Variants in SLC6A5 observed in about 807,000 individuals in gnomAD.
The protein encoded by SLC6A5 is sodium- and chloride-dependent glycine transporter 2.
A neutral mutation model predicts 90.5 loss-of-function variants in SLC6A5; 58 were observed. The observed-to-expected ratio is 0.64, with a 90% CI of 0.52 to 0.80. The LOEUF is 0.80. SLC6A5 is among the 30% of genes least tolerant of loss of function. The pLI, the probability that SLC6A5 is intolerant of heterozygous loss-of-function variation, is 0.00. For synonymous variants in SLC6A5, 427 were observed against 401.4 expected (o/e 1.06, Z -0.76); for missense variants, 1,015 against 1,017.6 (o/e 1.00, Z 0.03).
chr11:20,619,232 A>C (rs1215940838), intron 7 of SLC6A5, among the ~76,000 whole-genome samples: 1 of 152,184 alleles, frequency 6.6e-6, no homozygotes, highest in Non-Finnish European at 1.5e-5. Flanking sequence ...TCGGGAGGGT[A>C]GTCAGTGCCA....
At chr11:20,611,670 C>T (rs890130195) in intron 5 of SLC6A5, among the ~76,000 whole-genome samples, 6 of 151,972 alleles carry the variant, frequency 3.9e-5, no homozygotes, top group East Asian at 1.9e-4. Context: ...TCTGCTGCAA[C>T]GCAGGAAACT....
At chr11:20,647,639 C>T (rs1427375915) in intron 14 of SLC6A5, among the ~76,000 whole-genome samples, 1 of 152,002 alleles carries the variant, frequency 6.6e-6, no homozygotes, top group Non-Finnish European at 1.5e-5. Context: ...TATGTATAGC[C>T]TCATCTCTCC....
intron 13 of SLC6A5, 99 bp from the exon 14 acceptor site, chr11:20,646,735 C>T: frequency 1.2e-6 from 1 of 812,952 alleles, no homozygotes; most frequent in Non-Finnish European, 2.2e-6. Context: ...CCAGCCCTAG[C>T]CAATGGTGCT....
rs1853165308 is a variant in SLC6A5 at position 20,634,444 on chromosome 11, T to C, written c.1625-1863T>C. Among the ~76,000 whole-genome samples, 4 of 152,318 alleles carry C rather than the reference T, an allele frequency of 2.6e-5. No homozygotes were observed. In the South Asian group the frequency reaches 8.3e-4, roughly 32 times the overall value. The stretch of plus-strand genomic sequence containing the variant: ...GCAGACTGAATATTTTGAAATCACT[T>C]GTTTCCTCTAAAAAAGCTGTAAAGC... On this transcript the variant is annotated intron_variant, in intron 10 of 15. Coordinates refer to ENST00000525748, the MANE Select transcript of SLC6A5 (RefSeq NM_004211.5).
intron 7 of SLC6A5, among the ~76,000 whole-genome samples, chr11:20,620,954 C>A (rs1852877280): frequency 6.6e-6 from 1 of 151,994 alleles, no homozygotes; most frequent in African/African-American, 2.4e-5. Context: ...AGCCCACCAC[C>A]ACGCCCAGCT....
At chr11:20,608,380 G>A (rs1228096969) in intron 5 of SLC6A5, among the ~76,000 whole-genome samples, 4 of 152,190 alleles carry the variant, frequency 2.6e-5, no homozygotes, top group Admixed American at 1.3e-4. Flanking sequence ...GAGAAGTAGG[G>A]CAGCTATGTC....
At chr11:20,653,736 C>G (rs1187314936) in intron 15 of SLC6A5, among the ~76,000 whole-genome samples, 1 of 152,222 alleles carries the variant, frequency 6.6e-6, no homozygotes, top group Non-Finnish European at 1.5e-5. Flanking sequence ...GCCCCATGGG[C>G]TTCCAGAGAT....
In SLC6A5 at chr11:20,607,429, T is replaced by A. The variant is rs189135556; in HGVS notation, c.812-50T>A. On this transcript the variant is annotated intron_variant, in intron 4 of 15. Coordinates refer to ENST00000525748, the MANE Select transcript of SLC6A5 (RefSeq NM_004211.5). ...CCCACCCTATGCCCAACTCTAAGAATTCCATAGCATTTAAGATGGAATGAA... is the reference window on the plus strand; with the variant it reads ...CCCACCCTATGCCCAACTCTAAGAAATCCATAGCATTTAAGATGGAATGAA... 3.3e-4 allele frequency: 524 copies of A among 1,609,414 alleles called. 2 individuals carry two copies. The East Asian group carries it at 0.011, about 33-fold the overall frequency.
At chr11:20,650,655 CTTTTTTTTTTTTTTTTTTT>C (rs55849528) in intron 14 of SLC6A5, among the ~76,000 whole-genome samples, 2 of 79,844 alleles carry the variant, frequency 2.5e-5, no homozygotes, top group East Asian at 8.0e-4. Flanking sequence ...GACGCCTGTT[CTTTTTTTTTTTTTTTTTTT>C]TTTTTTTTTT....
At position 20,614,740 on chromosome 11, in the gene SLC6A5, C is replaced by G. The variant is rs149532917; in HGVS notation, c.1047C>G (p.Thr349=). ...IQIKNSTFCM[T]AYPNVTMVNF... ...TCAAGAACTCGACTTTCTGCATGACCGCTTATCCCAACGTGACAATGGTTA... is the reference window on the plus strand; with the variant it reads ...TCAAGAACTCGACTTTCTGCATGACGGCTTATCCCAACGTGACAATGGTTA... Residue 349 remains threonine (T), a synonymous_variant, in exon 6 of 16, where the codon ACC becomes ACG. Coordinates refer to ENST00000525748, the MANE Select transcript of SLC6A5 (RefSeq NM_004211.5). 1.9e-6 allele frequency: 3 copies of G among 1,613,720 alleles called. 1 individual carries two copies. Among genetic ancestry groups the G allele is most frequent in the Non-Finnish European group, 2.5e-6 (3 of 1,179,598 alleles).
rs756181145 is a variant in SLC6A5, at chr11:20,604,284, AGGAGGACGAGCAAGG to A, written c.543_557del (p.Glu181_Gly185del). 23 of 1,608,856 alleles carry A rather than the reference AGGAGGACGAGCAAGG, an allele frequency of 1.4e-5. No homozygotes were observed. Among genetic ancestry groups the A allele is most frequent in the African/African-American group, 4.0e-5 (3 of 74,842 alleles). On this transcript the variant is annotated splice_acceptor_variant and coding_sequence_variant, in exon 3 of 16. Coordinates refer to ENST00000525748, the MANE Select transcript of SLC6A5 (RefSeq NM_004211.5). LOFTEE classifies it high-confidence loss of function. ...ATCGACAATGTGCTTTTCCGCCCCC[AGGAGGACGAGCAAGG>A]GGATGAGAATAAGGCCCGAGGGAAC... is the stretch of plus-strand genomic sequence containing the variant.
chr11:20,652,977 G>A (rs1406761529), intron 15 of SLC6A5, among the ~76,000 whole-genome samples: 2 of 152,176 alleles, frequency 1.3e-5, no homozygotes, highest in African/African-American at 2.4e-5. Context: ...ATTTCAGGAC[G>A]TGGCTGGTAT....
intron 14 of SLC6A5, among the ~76,000 whole-genome samples, chr11:20,650,280 A>G (rs1202720391): frequency 6.6e-6 from 1 of 152,190 alleles, no homozygotes; most frequent in Non-Finnish European, 1.5e-5. Context: ...GCTTGAGTAG[A>G]GAAGTTAGAA....
At chr11:20,654,670 T>C (rs764240587) in intron 15 of SLC6A5, 43 bp from the exon 16 acceptor site, 15 of 1,608,736 alleles carry the variant, frequency 9.3e-6, no homozygotes, top group South Asian at 3.3e-5. Flanking sequence ...GTGAGGAAGG[T>C]GCACTACTTC....
At chr11:20,619,232 A>G (rs1215940838) in intron 7 of SLC6A5, among the ~76,000 whole-genome samples, 2 of 152,184 alleles carry the variant, frequency 1.3e-5, no homozygotes, top group Non-Finnish European at 2.9e-5. Flanking sequence ...TCGGGAGGGT[A>G]GTCAGTGCCA....
intron 7 of SLC6A5, among the ~76,000 whole-genome samples, chr11:20,622,539 T>C (rs1477913255): frequency 6.6e-6 from 1 of 152,070 alleles, no homozygotes; most frequent in Non-Finnish European, 1.5e-5. Context: ...GGGGAAGCTT[T>C]GGGCTTAAGT....
Position 20,652,360 on chromosome 11 carries a change from C to T in SLC6A5, c.2142C>T (p.Ser714=). 6.2e-7 allele frequency: 1 copy of T among 1,614,052 alleles called. No individual in the cohort carries two copies. The highest frequency in any genetic ancestry group is 8.5e-7 in the Non-Finnish European group (1 of 1,179,924). ...GCTCTTACCGCTATCCTAACTGGTC[C>T]ATGGTGCTCGGATGGCTAATGCTCG... ...TYGSYRYPNW[S]MVLGWLMLAC... is the part of the protein sequence containing the mutation. Residue 714 remains serine, a synonymous_variant, in exon 15 of 16, where the codon TCC becomes TCT. Transcript: ENST00000525748.
At chr11:20,632,851 A>G (rs1003601534) in intron 10 of SLC6A5, among the ~76,000 whole-genome samples, 6 of 152,172 alleles carry the variant, frequency 3.9e-5, no homozygotes, top group African/African-American at 1.4e-4. Flanking sequence ...CTAAGTTTTG[A>G]TCTTTAGTCA....
intron 11 of SLC6A5, 132 bp downstream of exon 11, chr11:20,636,551 G>A (rs1853212369): frequency 2.8e-6 from 2 of 719,238 alleles, no homozygotes. Context: ...GAGATCTAGA[G>A]ATGCTGAAGT....
Sources: allele counts gnomAD v4.1 joint callset (sites outside exome capture counted in the v4.1 genomes callset), GRCh38; gene constraint gnomAD v4.1.1; transcripts MANE v1.5; gene names NCBI Gene and HGNC (gene_info 2026-07-23, HGNC 2026-07-21).